Variants in FOXJ3 observed in about 807,000 individuals in gnomAD.
The protein encoded by FOXJ3 is forkhead box J3, also known as forkhead box protein J3.
In FOXJ3, 22 loss-of-function variants were observed where a neutral mutation model predicts 76.1. The observed-to-expected ratio is 0.29, with a 90% CI of 0.21 to 0.41. The LOEUF (loss-of-function observed/expected upper bound fraction) is 0.41, where lower values mean the gene tolerates loss of function less well. Among genes scored for constraint, FOXJ3 ranks in the 10% least tolerant of loss-of-function variants. The pLI is 1.00. For missense variants in FOXJ3, 613 were observed against 762.1 expected (o/e 0.80, Z 2.30); for synonymous variants, 269 against 261.2 (o/e 1.03, Z -0.29).
chr1:42,282,708 T>C lies in FOXJ3; in HGVS notation c.45-4036A>G, dbSNP rs1210340656. 2.0e-5 allele frequency among the ~76,000 whole-genome samples: 3 copies of C among 152,222 alleles called. No homozygotes were observed. In the South Asian group the frequency reaches 6.2e-4, roughly 32 times the overall value. On this transcript the variant is annotated intron_variant, in intron 2 of 12. Transcript: ENST00000361346. ...CTGGAATGTCCTTTCCTTCTCTGTC[T>C]GCCTGGCTGGCTTCTACTTCAAGAC...
intron 4 of FOXJ3, among the ~76,000 whole-genome samples, chr1:42,237,306 C>T (rs488878): frequency 0.7 from 105,412 of 150,592 alleles, 37,611 homozygotes; most frequent in Admixed American, 0.8. Flanking sequence ...ACCCGGGAGG[C>T]GGTGCTTGCA....
At chr1:42,276,513 G>C (rs182701378) in intron 3 of FOXJ3, among the ~76,000 whole-genome samples, 1 of 152,216 alleles carries the variant, frequency 6.6e-6, no homozygotes, top group East Asian at 1.9e-4. Flanking sequence ...CTTGGAAACC[G>C]CAACACTAAG....
intron 4 of FOXJ3, among the ~76,000 whole-genome samples, chr1:42,252,321 G>C (rs1314269356): frequency 6.6e-6 from 1 of 152,148 alleles, no homozygotes; most frequent in African/African-American, 2.4e-5. Context: ...GGTCTATTCA[G>C]AGATTCAATT....
chr1:42,247,829 T>C (rs1049142603), intron 4 of FOXJ3, among the ~76,000 whole-genome samples: 3 of 152,200 alleles, frequency 2.0e-5, no homozygotes, highest in African/African-American at 4.8e-5. Context: ...AGCAGCATTT[T>C]TGTTTCAAAG....
chr1:42,326,110 G>C (rs1655813329), intron 1 of FOXJ3, among the ~76,000 whole-genome samples: 1 of 152,098 alleles, frequency 6.6e-6, no homozygotes, highest in African/African-American at 2.4e-5. Flanking sequence ...AATTAGCCAG[G>C]CGTGATGGCA....
chr1:42,250,744 A>G (rs1649960091), intron 4 of FOXJ3, among the ~76,000 whole-genome samples: 1 of 150,286 alleles, frequency 6.7e-6, no homozygotes, highest in South Asian at 2.1e-4. Flanking sequence ...TGCAGTGAGC[A>G]GAGAAATCAC....
At chr1:42,326,486 G>T (rs945539909) in intron 1 of FOXJ3, among the ~76,000 whole-genome samples, 1 of 151,944 alleles carries the variant, frequency 6.6e-6, no homozygotes, top group Admixed American at 6.6e-5. Flanking sequence ...CCAACCACCA[G>T]GCAACAGACA....
At chr1:42,240,545 A>C (rs1557665693) in intron 4 of FOXJ3, among the ~76,000 whole-genome samples, 2 of 152,210 alleles carry the variant, frequency 1.3e-5, no homozygotes, top group Non-Finnish European at 1.5e-5. Flanking sequence ...GACAGTCTAG[A>C]AGTAAATCCA....
At chr1:42,198,380 T>C (rs1646694490) in intron 7 of FOXJ3, among the ~76,000 whole-genome samples, 1 of 152,220 alleles carries the variant, frequency 6.6e-6, no homozygotes, top group Non-Finnish European at 1.5e-5. Context: ...TATATCTTTG[T>C]CCCGTGTAAG....
chr1:42,295,753 C>A (rs965876181), intron 2 of FOXJ3, among the ~76,000 whole-genome samples: 1 of 152,048 alleles, frequency 6.6e-6, no homozygotes, highest in Non-Finnish European at 1.5e-5. Flanking sequence ...GGTCTTGACT[C>A]CTGACCTCAG....
rs189609180 is a variant in FOXJ3 at position 42,222,487 on chromosome 1, C to A, written c.528+5396G>T. 5.9e-5 allele frequency among the ~76,000 whole-genome samples: 9 copies of A among 152,306 alleles called. No individual in the cohort carries two copies. In the East Asian group the frequency reaches 1.7e-3, roughly 29 times the overall value. On this transcript the variant is annotated intron_variant, in intron 5 of 12. Transcript: ENST00000361346. Reference sequence around the variant, plus strand: ...CATTCATCCTACCTTATCAGTTTATCTTCCCTGCTTGAGTGAGGAGAGGGT... The same window carrying A: ...CATTCATCCTACCTTATCAGTTTATATTCCCTGCTTGAGTGAGGAGAGGGT...
chr1:42,334,753 G>T lies in FOXJ3; in HGVS notation c.-18+306C>A, dbSNP rs568030740. Among the ~76,000 whole-genome samples, 970 of 151,750 alleles carry T rather than the reference G, an allele frequency of 6.4e-3. 11 individuals are homozygous for T. The highest frequency in any genetic ancestry group is 0.022 in the African/African-American group (918 of 41,386). On this transcript the variant is annotated intron_variant, in intron 1 of 12. Coordinates refer to ENST00000361346, the MANE Select transcript of FOXJ3 (RefSeq NM_014947.5). ...CGGACTAGGCGCCCCCGGGATCCAC[G>T]TCTGGTTCCCCGGTGCCCCGCCTGG...
intron 5 of FOXJ3, among the ~76,000 whole-genome samples, chr1:42,206,933 C>T (rs571937669): frequency 3.9e-5 from 6 of 152,092 alleles, no homozygotes; most frequent in South Asian, 2.1e-4. Flanking sequence ...CATGCTCAAG[C>T]GATTCTCTTG....
intron 3 of FOXJ3, among the ~76,000 whole-genome samples, chr1:42,275,782 G>T (rs1194182681): frequency 6.6e-6 from 1 of 152,104 alleles, no homozygotes; most frequent in Non-Finnish European, 1.5e-5. Flanking sequence ...GATTCCAGGG[G>T]CAAGGAAGAT....
chr1:42,308,623 T>C (rs1177577272), intron 2 of FOXJ3, among the ~76,000 whole-genome samples: 1 of 152,180 alleles, frequency 6.6e-6, no homozygotes, highest in Non-Finnish European at 1.5e-5. Context: ...AAATGCTAGA[T>C]ACCATGATTA....
chr1:42,259,150 G>A (rs1185102049), intron 4 of FOXJ3, among the ~76,000 whole-genome samples: 1 of 152,098 alleles, frequency 6.6e-6, no homozygotes, highest in Non-Finnish European at 1.5e-5. Context: ...AGACTCAGAA[G>A]GCCATGTACT....
chr1:42,246,980 T>G (rs1273763837), intron 4 of FOXJ3, among the ~76,000 whole-genome samples: 2 of 152,076 alleles, frequency 1.3e-5, no homozygotes, highest in Non-Finnish European at 1.5e-5. Flanking sequence ...AAAGTTAATC[T>G]CATGGAGGTA....
chr1:42,289,923 AG>A (rs1211741521), intron 2 of FOXJ3, among the ~76,000 whole-genome samples: 6 of 152,154 alleles, frequency 3.9e-5, no homozygotes, highest in African/African-American at 1.2e-4. Context: ...TATTTAAAAA[AG>A]GACAAAAAGA....
intron 3 of FOXJ3, among the ~76,000 whole-genome samples, chr1:42,265,653 G>T (rs1651408979): frequency 6.6e-6 from 1 of 151,970 alleles, no homozygotes; most frequent in African/African-American, 2.4e-5. Flanking sequence ...TTACTTTTCT[G>T]CAAAGTCCAA....
Sources: gnomAD v4.1 joint callset for allele counts (sites outside exome capture counted in the v4.1 genomes callset) on GRCh38, gnomAD v4.1.1 for gene constraint, MANE v1.5 for transcripts, NCBI Gene and HGNC (gene_info 2026-07-23, HGNC 2026-07-21) for gene names.